The following KLRD1 variants were observed in gnomAD, a reference collection of about 807,000 sequenced individuals.
The protein encoded by KLRD1 is killer cell lectin like receptor D1.
In KLRD1, 21 loss-of-function variants were observed where a neutral mutation model predicts 22.6. The ratio of observed to expected loss-of-function variants is 0.93; its 90% CI spans 0.66 to 1.34. The LOEUF is 1.34. Among genes scored for constraint, KLRD1 ranks in the 40% most tolerant of loss-of-function variants. The pLI, the probability that KLRD1 is intolerant of heterozygous loss-of-function variation, is 0.00. For synonymous variants in KLRD1, 59 were observed against 71.1 expected (o/e 0.83, Z 0.85); for missense variants, 183 against 208.6 (o/e 0.88, Z 0.76).
rs11374003 is a variant in KLRD1, at chr12:10,318,845, C to CAAAAA, written c.*4069_*4073dup. ...TGGGTGACAGAGGAGACTCCGTCTC[C>CAAAAA]AAAAAAAAAAAAAAAAAAAAAGCTT... On this transcript the variant is annotated 3_prime_UTR_variant, in exon 6 of 6. Transcript: ENST00000336164. 3 of 45,932 alleles carry CAAAAA rather than the reference C, an allele frequency of 6.5e-5. No individual in the cohort carries two copies. The highest frequency in any genetic ancestry group is 2.2e-4 in the Admixed American group (1 of 4,588). 2.8% of individuals were successfully genotyped at this position (45,932 alleles called of 1,614,324 possible). A position where few individuals can be genotyped will look rare whatever the true frequency, so the allele number is the denominator to read the frequency against.
intron 1 of KLRD1, among the ~76,000 whole-genome samples, chr12:10,281,679 G>C (rs144506521): frequency 7.4e-4 from 112 of 152,126 alleles, no homozygotes; most frequent in African/African-American, 2.7e-3. Flanking sequence ...TGGAGCCAAA[G>C]GAAAAAGAAA....
At chr12:10,273,791 A>C (rs1949569201) in intron 1 of KLRD1, among the ~76,000 whole-genome samples, 1 of 152,198 alleles carries the variant, frequency 6.6e-6, no homozygotes, top group Non-Finnish European at 1.5e-5. Context: ...AAGAAAAAAT[A>C]GATTGAGAAA....
intron 1 of KLRD1, among the ~76,000 whole-genome samples, chr12:10,241,045 G>A (rs1326725008): frequency 1.3e-5 from 2 of 152,156 alleles, no homozygotes; most frequent in African/African-American, 2.4e-5. Context: ...GGGGCAAAAA[G>A]CCCTACTATT....
At chr12:10,246,002 G>A (rs550946109) in intron 1 of KLRD1, among the ~76,000 whole-genome samples, 9 of 152,142 alleles carry the variant, frequency 5.9e-5, no homozygotes, top group East Asian at 1.9e-4. Flanking sequence ...TTAAAAAGAA[G>A]CATTTGTTTG....
At chr12:10,247,581 A>G (rs1949304121) in intron 1 of KLRD1, among the ~76,000 whole-genome samples, 1 of 152,026 alleles carries the variant, frequency 6.6e-6, no homozygotes, top group Non-Finnish European at 1.5e-5. Context: ...TCTTTAATCT[A>G]ATTTAGTGAG....
At chr12:10,307,783 A>T, upstream of KLRD1, 1 of 309,614 alleles carries the variant, frequency 3.2e-6, no homozygotes, top group East Asian at 5.3e-5. Flanking sequence ...GTCCTTGCCA[A>T]AGTGTTAATA....
intron 1 of KLRD1, among the ~76,000 whole-genome samples, chr12:10,251,849 A>G (rs2137620308): frequency 6.6e-6 from 1 of 152,256 alleles, no homozygotes; most frequent in East Asian, 1.9e-4. Flanking sequence ...CAGGAAGCAG[A>G]GCTCTGGTGG....
At chr12:10,290,435 G>A (rs1949757086) in intron 1 of KLRD1, among the ~76,000 whole-genome samples, 1 of 152,134 alleles carries the variant, frequency 6.6e-6, no homozygotes, top group Non-Finnish European at 1.5e-5. Flanking sequence ...AGAGGTAGAA[G>A]GAATTTAGAA....
Position 10,313,484 on chromosome 12 carries a change from G to T in KLRD1, c.390G>T (p.Trp130Cys). 1.2e-6 allele frequency: 2 copies of T among 1,608,082 alleles called. No homozygotes were observed. The highest frequency in any genetic ancestry group is 1.7e-6 in the Non-Finnish European group (2 of 1,176,710). ...GTGAGGAGCACACCGCCTGGTTGTG[G>T]GAGAATGGCTCTGCACTCTCCCAGT... is the stretch of plus-strand genomic sequence containing the variant. ...SYSEEHTAWLWENGSALSQYL... is the reference protein window; with the variant it reads ...SYSEEHTAWLCENGSALSQYL... The change falls in exon 5 of 6, where the codon TGG (tryptophan) becomes TGT (cysteine). Residue 130 changes from tryptophan to cysteine, a missense_variant. By Grantham distance (215) the Trp-to-Cys change is radical. Coordinates refer to ENST00000336164, the MANE Select transcript of KLRD1 (RefSeq NM_002262.5).
chr12:10,247,089 C>T (rs1395974397), intron 1 of KLRD1, among the ~76,000 whole-genome samples: 2 of 151,834 alleles, frequency 1.3e-5, no homozygotes, highest in African/African-American at 2.4e-5. Flanking sequence ...TGCACTGCCA[C>T]GCCTGGCTAA....
At chr12:10,239,083 C>G (rs962356225) in intron 1 of KLRD1, among the ~76,000 whole-genome samples, 1 of 152,168 alleles carries the variant, frequency 6.6e-6, no homozygotes, top group East Asian at 1.9e-4. Context: ...TTTCCTTTAT[C>G]TTTTGTTGTA....
At chr12:10,265,613 C>T (rs181234224) in intron 1 of KLRD1, among the ~76,000 whole-genome samples, 4 of 152,198 alleles carry the variant, frequency 2.6e-5, no homozygotes, top group African/African-American at 9.6e-5. Flanking sequence ...AAAAATTAGC[C>T]AGGCATGGTG....
At chr12:10,287,140 C>T (rs577220957) in intron 1 of KLRD1, among the ~76,000 whole-genome samples, 1 of 148,368 alleles carries the variant, frequency 6.7e-6, no homozygotes, top group South Asian at 2.3e-4. Flanking sequence ...TGTCTCAAAA[C>T]AAAAACAAAA....
At chr12:10,291,483 C>G (rs952528070) in intron 1 of KLRD1, among the ~76,000 whole-genome samples, 1 of 152,076 alleles carries the variant, frequency 6.6e-6, no homozygotes, top group Non-Finnish European at 1.5e-5. Flanking sequence ...TCTTTGTTGT[C>G]ATTTCAACAA....
chr12:10,269,945 C>A (rs538439955), intron 1 of KLRD1, among the ~76,000 whole-genome samples: 29 of 152,090 alleles, frequency 1.9e-4, no homozygotes, highest in Non-Finnish European at 3.1e-4. Flanking sequence ...TCTGTACCTA[C>A]CATCTTCTAT....
chr12:10,254,789 A>T (rs373510260), intron 1 of KLRD1, among the ~76,000 whole-genome samples: 1,443 of 135,326 alleles, frequency 0.011, 14 homozygotes, highest in East Asian at 0.028. Context: ...GCTACTCTGG[A>T]GGCTGAGGCA....
At chr12:10,313,799 T>C (rs1000892080) in intron 5 of KLRD1, among the ~76,000 whole-genome samples, 9 of 152,214 alleles carry the variant, frequency 5.9e-5, no homozygotes, top group Admixed American at 1.3e-4. Flanking sequence ...CTTGCCTGTA[T>C]TATTTTAAAT....
At chr12:10,248,574 C>T (rs1949315514) in intron 1 of KLRD1, among the ~76,000 whole-genome samples, 1 of 125,788 alleles carries the variant, frequency 7.9e-6, no homozygotes, top group African/African-American at 3.3e-5. Context: ...TCCTTCCTTC[C>T]TTCCTTCCTT....
At chr12:10,274,825 C>T (rs1411827923) in intron 1 of KLRD1, among the ~76,000 whole-genome samples, 2 of 152,044 alleles carry the variant, frequency 1.3e-5, no homozygotes, top group Non-Finnish European at 2.9e-5. Context: ...GTCTTATGTT[C>T]CCTTAACCAT....
Sources: gnomAD v4.1 joint callset for allele counts (sites outside exome capture counted in the v4.1 genomes callset) on GRCh38, gnomAD v4.1.1 for gene constraint, MANE v1.5 for transcripts, NCBI Gene and HGNC (gene_info 2026-07-23, HGNC 2026-07-21) for gene names.